The following PCDHA4 variants were observed in gnomAD, a reference collection of about 807,000 sequenced individuals.
The protein encoded by PCDHA4 is protocadherin alpha-4.
Under a neutral mutation model 61.4 loss-of-function variants are expected in PCDHA4, and 49 were observed. That is an observed-to-expected ratio of 0.80 (90% CI 0.63 to 1.01). The LOEUF (loss-of-function observed/expected upper bound fraction) is 1.01. PCDHA4 is among the 50% of genes least tolerant of loss of function. The probability of loss-of-function intolerance (pLI) is 0.00; values close to 1 mark genes in which losing one functional copy is unlikely to be tolerated. For synonymous variants in PCDHA4, 590 were observed against 550.3 expected, an observed-to-expected ratio of 1.07 and a Z score of -1.01; for missense variants, 1,254 against 1,235.8, an observed-to-expected ratio of 1.01 and a Z score of -0.22.
Position 140,853,606 on chromosome 5 carries a change from G to T in PCDHA4, c.2385+44034G>T. 3.0e-6 allele frequency: 3 copies of T among 987,448 alleles called. 1 individual carries two copies. The highest frequency in any genetic ancestry group is 3.7e-6 in the Non-Finnish European group (3 of 819,684). The allele number at this position is 987,448 out of a possible 1,614,324, so 61.2% of individuals were successfully genotyped here. A position where few individuals can be genotyped will look rare whatever the true frequency, so the allele number is the denominator to read the frequency against. On this transcript the variant is annotated intron_variant, in intron 1 of 3. Coordinates refer to ENST00000530339, the MANE Select transcript of PCDHA4 (RefSeq NM_018907.4). ...CTTAGACACTTTGAGAGCAAAGGGG[G>T]TGCTGTAAATAAGTATACAAGATCA...
In PCDHA4 at chr5:140,809,071, T is replaced by C; in HGVS notation, c.1884T>C (p.Thr628=). The C allele has an allele frequency of 6.2e-7, 1 of 1,613,898 alleles. No homozygotes were observed. The highest frequency in any genetic ancestry group is 8.5e-7 in the Non-Finnish European group (1 of 1,179,890). ...ARIPFRVGLY[T]GEISTTRALD... is the part of the protein sequence containing the mutation. ...TCCCGTTCCGCGTGGGGCTGTACAC[T>C]GGCGAGATCAGCACAACGCGTGCCC... The change falls in exon 1 of 4, where the codon ACT becomes ACC. Residue 628 remains threonine (T), a synonymous_variant. Transcript: ENST00000530339.
chr5:140,808,462 G>T lies in PCDHA4; in HGVS notation c.1275G>T (p.Val425=). The T allele has an allele frequency of 6.2e-7, 1 of 1,614,200 alleles. No individual in the cohort carries two copies. Among genetic ancestry groups the T allele is most frequent in the Non-Finnish European group, 8.5e-7 (1 of 1,180,052 alleles). The change falls in exon 1 of 4, where the codon GTG becomes GTT. Residue 425 remains valine, a synonymous_variant. Transcript: ENST00000530339. The stretch of plus-strand genomic sequence containing the variant: ...GCGTGTCAGCCTATGAGCTGGTGGT[G>T]ACCGCGCGAGACGGGGGCTCGCCTT... The part of the protein sequence containing the change: ...RESVSAYELV[V]TARDGGSPSL...
intron 1 of PCDHA4, among the ~76,000 whole-genome samples, chr5:140,904,121 T>G (rs1554191284): frequency 6.6e-6 from 1 of 152,194 alleles, no homozygotes; most frequent in Non-Finnish European, 1.5e-5. Flanking sequence ...GAGATTTTGG[T>G]GCACCCATCA....
chr5:140,887,153 G>C (rs950456487), intron 1 of PCDHA4, among the ~76,000 whole-genome samples: 1 of 151,288 alleles, frequency 6.6e-6, no homozygotes, highest in South Asian at 2.1e-4. Flanking sequence ...CTGGAGTACA[G>C]TGGCGTGATC....
chr5:140,964,812 T>C (rs2095855698), intron 1 of PCDHA4, among the ~76,000 whole-genome samples: 1 of 151,914 alleles, frequency 6.6e-6, no homozygotes, highest in Non-Finnish European at 1.5e-5. Flanking sequence ...GAGACAGGAA[T>C]AGATTTTGAT....
chr5:140,824,615 T>TTG (rs1554129952), intron 1 of PCDHA4: 1 of 126,010 alleles, frequency 7.9e-6, no homozygotes, highest in Non-Finnish European at 1.6e-5. Context: ...TTAAAGTTTT[T>TTG]TTTTTTTTTT....
intron 1 of PCDHA4, chr5:140,871,293 G>A (rs1206433527): frequency 6.2e-7 from 1 of 1,613,794 alleles, no homozygotes; most frequent in Non-Finnish European, 8.5e-7. Context: ...CTGAGGGCGC[G>A]TGCGCGCCGG....
intron 1 of PCDHA4, among the ~76,000 whole-genome samples, chr5:140,920,775 T>G (rs1007654952): frequency 5.4e-5 from 8 of 147,470 alleles, no homozygotes; most frequent in African/African-American, 1.8e-4. Context: ...ACCTGGGAGG[T>G]GGAGGTTGCA....
chr5:140,834,291 G>A, intron 1 of PCDHA4: 1 of 1,201,540 alleles, frequency 8.3e-7, no homozygotes, highest in Non-Finnish European at 1.2e-6. Context: ...CACAACAATG[G>A]CCACACATCG....
intron 1 of PCDHA4, among the ~76,000 whole-genome samples, chr5:140,936,024 C>T (rs536876826): frequency 1.4e-4 from 22 of 151,890 alleles, no homozygotes; most frequent in African/African-American, 4.6e-4. Flanking sequence ...TCCCGAGTAG[C>T]GGGGATTACA....
rs1554124464 is a variant in PCDHA4, at chr5:140,808,224, A to G, written c.1037A>G (p.Asn346Ser). The G allele has an allele frequency of 1.2e-6, 2 of 1,614,234 alleles. No homozygotes were observed. The highest frequency in any genetic ancestry group is 2.2e-5 in the East Asian group (1 of 44,890). Reference protein sequence around the residue: ...VIVEVEDNNDNVPDLEFKSLS... With the variant: ...VIVEVEDNNDSVPDLEFKSLS... ...GTGGAAGTAGAAGACAACAACGATA[A>G]TGTCCCAGATTTGGAATTCAAGTCT... The change falls in exon 1 of 4, where the codon AAT (asparagine) becomes AGT (serine). Residue 346 changes from asparagine (N) to serine (S), a missense_variant. By Grantham distance (46) the Asn-to-Ser change is conservative (BLOSUM62 1). Transcript: ENST00000530339.
intron 1 of PCDHA4, chr5:140,927,524 C>G (rs781824669): frequency 1.2e-6 from 2 of 1,614,104 alleles, no homozygotes; most frequent in Admixed American, 1.7e-5. Flanking sequence ...GGCGGGCTAC[C>G]TGCCCGCTCA....
chr5:140,857,746 G>C lies in PCDHA4; in HGVS notation c.2385+48174G>C. 5.0e-6 allele frequency: 8 copies of C among 1,597,368 alleles called. No homozygotes were observed. In the South Asian group the frequency reaches 8.8e-5, roughly 18 times the overall value. On this transcript the variant is annotated intron_variant, in intron 1 of 3. Coordinates refer to ENST00000530339, the MANE Select transcript of PCDHA4 (RefSeq NM_018907.4). ...ACGACAACGCTCCCGCGCTGCTGGC[G>C]TCTCCCGCTGGCAGCGCGGGCGGTG...
intron 1 of PCDHA4, among the ~76,000 whole-genome samples, chr5:140,970,887 G>A (rs2096441583): frequency 6.6e-6 from 1 of 152,118 alleles, no homozygotes; most frequent in Non-Finnish European, 1.5e-5. Context: ...TTTTCTCATG[G>A]ACATTTCAGA....
chr5:140,927,508 C>T lies in PCDHA4; in HGVS notation c.2386-51441C>T, dbSNP rs551245842. On this transcript the variant is annotated intron_variant, in intron 1 of 3. Coordinates refer to ENST00000530339, the MANE Select transcript of PCDHA4 (RefSeq NM_018907.4). The stretch of plus-strand genomic sequence containing the variant: ...CACCCACCTGCTGGTGCTTACAGCT[C>T]GGGACGGCGGGCTACCTGCCCGCTC... The T allele has an allele frequency of 9.9e-6, 16 of 1,614,074 alleles. No individual in the cohort carries two copies. In the South Asian group the frequency reaches 1.4e-4, roughly 14 times the overall value.
rs1322777523 is a variant in PCDHA4 at position 140,961,683 on chromosome 5, A to G, written c.2386-17266A>G. Among the ~76,000 whole-genome samples, 6 of 152,224 alleles carry G rather than the reference A, an allele frequency of 3.9e-5. No homozygotes were observed. The East Asian group carries it at 1.2e-3, about 29-fold the overall frequency. ...AGTTACCAGTTTTTAATTAAGCCGGAGTAGTCCTTAGTATGAATGCCTTCA... is the reference window on the plus strand; with the variant it reads ...AGTTACCAGTTTTTAATTAAGCCGGGGTAGTCCTTAGTATGAATGCCTTCA... On this transcript the variant is annotated intron_variant, in intron 1 of 3. Transcript: ENST00000530339.
intron 1 of PCDHA4, chr5:140,857,893 T>A (rs781996912): frequency 6.3e-7 from 1 of 1,596,578 alleles, no homozygotes; most frequent in South Asian, 1.1e-5. Flanking sequence ...CGGCGGCGGT[T>A]GGTGCACGCA....
chr5:140,966,714 G>C, intron 1 of PCDHA4: 1 of 1,394,064 alleles, frequency 7.2e-7, no homozygotes, highest in South Asian at 1.6e-5. Flanking sequence ...GGCACGGCTG[G>C]GGAAGCTGCC....
At chr5:140,964,844 A>G (rs2095857701) in intron 1 of PCDHA4, among the ~76,000 whole-genome samples, 1 of 152,160 alleles carries the variant, frequency 6.6e-6, no homozygotes, top group Admixed American at 6.5e-5. Flanking sequence ...CCTACTCTGT[A>G]CCCTTGAGGA....
Sources: gnomAD v4.1 joint callset for allele counts (sites outside exome capture counted in the v4.1 genomes callset) on GRCh38, gnomAD v4.1.1 for gene constraint, MANE v1.5 for transcripts, NCBI Gene and HGNC (gene_info 2026-07-23, HGNC 2026-07-21) for gene names.